THUMPD2: variants seen among roughly 807,000 people sequenced by gnomAD.
The protein encoded by THUMPD2 is THUMP domain 2 tRNA and snRNA guanosine methyltransferase.
Under a neutral mutation model 49.4 loss-of-function variants are expected in THUMPD2, and 56 were observed. The observed-to-expected ratio is 1.13, with a 90% confidence interval of 0.91 to 1.41. The LOEUF is 1.41. Ranked by LOEUF, THUMPD2 falls within the 40% of genes most tolerant of loss-of-function variation. The pLI, the probability that THUMPD2 is intolerant of heterozygous loss-of-function variation, is 0.00. For synonymous variants in THUMPD2, 237 were observed against 205.2 expected (o/e 1.15, Z -1.32); for missense variants, 709 against 594.5 (o/e 1.19, Z -2.00).
intron 4 of THUMPD2, 36 bp from the exon 5 acceptor site, chr2:39,766,145 G>A: frequency 7.0e-7 from 1 of 1,435,890 alleles, no homozygotes. Context: ...AATGGAACAA[G>A]AAACTTCATT....
At chr2:39,771,837 G>A (rs1220111166) in intron 1 of THUMPD2, among the ~76,000 whole-genome samples, 197 bp from the exon 2 acceptor site, 3 of 152,012 alleles carry the variant, frequency 2.0e-5, no homozygotes, top group Non-Finnish European at 2.9e-5. Context: ...AGGTAGATTC[G>A]ATCACCACCA....
chr2:39,754,309 G>GAA (rs2148253723), intron 8 of THUMPD2, among the ~76,000 whole-genome samples: 1 of 152,272 alleles, frequency 6.6e-6, no homozygotes, highest in East Asian at 1.9e-4. Context: ...AACCTTGGCA[G>GAA]AAAGGCTTAA....
At chr2:39,766,016 C>T in intron 5 of THUMPD2, 41 bp downstream of exon 5, 1 of 1,491,710 alleles carries the variant, frequency 6.7e-7, no homozygotes, top group Non-Finnish European at 9.1e-7. Context: ...TTAATTTAAC[C>T]ATCTGTCTTA....
chr2:39,754,359 A>G (rs1379404516), intron 8 of THUMPD2, among the ~76,000 whole-genome samples: 1 of 152,188 alleles, frequency 6.6e-6, no homozygotes, highest in Non-Finnish European at 1.5e-5. Flanking sequence ...TGAGATCTCA[A>G]TCAACAAGAC....
intron 6 of THUMPD2, among the ~76,000 whole-genome samples, chr2:39,758,496 G>T (rs1676415209): frequency 6.6e-6 from 1 of 152,152 alleles, no homozygotes; most frequent in Non-Finnish European, 1.5e-5. Context: ...GTTGGGTAGT[G>T]ATTAGAGAAC....
intron 1 of THUMPD2, among the ~76,000 whole-genome samples, 156 bp downstream of exon 1, chr2:39,778,958 A>G (rs1224147791): frequency 1.3e-5 from 2 of 152,238 alleles, no homozygotes. Context: ...TCTCGGCCGG[A>G]GCGGAAGCGC....
chr2:39,777,426 G>A (rs1418217392), intron 1 of THUMPD2, among the ~76,000 whole-genome samples: 1 of 152,204 alleles, frequency 6.6e-6, no homozygotes, highest in Non-Finnish European at 1.5e-5. Flanking sequence ...AAGCACATGG[G>A]CTTTAAAGCT....
intron 8 of THUMPD2, among the ~76,000 whole-genome samples, chr2:39,751,271 C>G (rs1392085906): frequency 6.6e-6 from 1 of 152,216 alleles, no homozygotes; most frequent in Non-Finnish European, 1.5e-5. Context: ...AATGCAAACA[C>G]CTTATTATGC....
intron 8 of THUMPD2, among the ~76,000 whole-genome samples, chr2:39,754,302 C>A (rs1675813407): frequency 6.6e-6 from 1 of 152,178 alleles, no homozygotes; most frequent in Non-Finnish European, 1.5e-5. Flanking sequence ...TATTAAAAAC[C>A]TTGGCAGAAA....
intron 1 of THUMPD2, among the ~76,000 whole-genome samples, chr2:39,776,003 A>G (rs942907983): frequency 1.3e-5 from 2 of 152,168 alleles, no homozygotes; most frequent in African/African-American, 4.8e-5. Context: ...AGATCAATGA[A>G]TCAACTGACA....
intron 9 of THUMPD2, among the ~76,000 whole-genome samples, chr2:39,738,004 T>C (rs529582924): frequency 6.6e-6 from 1 of 152,190 alleles, no homozygotes; most frequent in African/African-American, 2.4e-5. Context: ...GAGAGCTGGA[T>C]ACACAGCCTG....
At chr2:39,762,801 C>T (rs1676994556) in intron 5 of THUMPD2, among the ~76,000 whole-genome samples, 1 of 150,018 alleles carries the variant, frequency 6.7e-6, no homozygotes, top group East Asian at 1.9e-4. Context: ...AAGGGAGACG[C>T]AGTATGGGAA....
At chr2:39,747,624 A>G (rs937452067) in intron 8 of THUMPD2, among the ~76,000 whole-genome samples, 4 of 152,180 alleles carry the variant, frequency 2.6e-5, no homozygotes, top group African/African-American at 9.6e-5. Flanking sequence ...CTGAAAACGT[A>G]TCTGTGCAAA....
intron 8 of THUMPD2, among the ~76,000 whole-genome samples, chr2:39,752,842 G>A (rs985556142): frequency 6.6e-6 from 1 of 152,088 alleles, no homozygotes; most frequent in Non-Finnish European, 1.5e-5. Flanking sequence ...TATCAACAGT[G>A]GAGAAGAGTG....
chr2:39,769,107 C>T (rs1677949523), intron 3 of THUMPD2: 1 of 1,302,670 alleles, frequency 7.7e-7, no homozygotes, highest in Non-Finnish European at 1.0e-6. Flanking sequence ...TGCAGAGTAG[C>T]CACTGAATAA....
At chr2:39,757,412 C>T in intron 6 of THUMPD2, 2 of 1,302,686 alleles carry the variant, frequency 1.5e-6, no homozygotes, top group South Asian at 2.5e-5. Flanking sequence ...CAGAAGCCTT[C>T]CCCTGGTACT....
chr2:39,742,638 A>G (rs1674049120), intron 9 of THUMPD2, among the ~76,000 whole-genome samples: 2 of 152,192 alleles, frequency 1.3e-5, no homozygotes, highest in Admixed American at 6.5e-5. Context: ...TTAGTATCTC[A>G]CCATGAATTG....
chr2:39,749,803 C>T (rs965590525), intron 8 of THUMPD2, among the ~76,000 whole-genome samples: 12 of 151,968 alleles, frequency 7.9e-5, no homozygotes, highest in African/African-American at 2.7e-4. Flanking sequence ...CCCCCAACCA[C>T]GTGTTCTCAT....
chr2:39,772,606 A>C (rs576474411), intron 1 of THUMPD2, among the ~76,000 whole-genome samples: 2 of 152,330 alleles, frequency 1.3e-5, no homozygotes, highest in South Asian at 4.1e-4. Context: ...GACTCACAGG[A>C]AGCCTAACAT....
Sources: allele counts gnomAD v4.1 joint callset (sites outside exome capture counted in the v4.1 genomes callset), GRCh38; gene constraint gnomAD v4.1.1; transcripts MANE v1.5; gene names NCBI Gene and HGNC (gene_info 2026-07-23, HGNC 2026-07-21).